PDGFB: variants seen among roughly 807,000 people sequenced by gnomAD.
The protein encoded by PDGFB is platelet derived growth factor subunit B.
PDGFB carries 6 observed loss-of-function variants against 29.0 expected under a neutral mutation model. That is an observed-to-expected ratio of 0.21 (90% CI 0.11 to 0.41). The LOEUF is 0.41. PDGFB is among the 10% of genes least tolerant of loss of function. PDGFB has a pLI of 1.00. For missense variants in PDGFB, 299 were observed against 341.8 expected (o/e 0.87, Z 0.99); for synonymous variants, 144 against 140.8 (o/e 1.02, Z -0.16).
chr22:39,238,823 G>A (rs949091888), intron 1 of PDGFB, among the ~76,000 whole-genome samples: 1 of 152,278 alleles, frequency 6.6e-6, no homozygotes, highest in African/African-American at 2.4e-5. Context: ...CCAGGGGACA[G>A]TGGCAATGTA....
rs776074327 is a variant in PDGFB, at chr22:39,233,472, G to A, written c.213C>T (p.Gly71=). Reference sequence around the variant, plus strand: ...TTCCACGAGCCAAGCTCTCCAGCTCGCCTCCAGAGTGGGAGCGGGTCATGT... The same window carrying A: ...TTCCACGAGCCAAGCTCTCCAGCTCACCTCCAGAGTGGGAGCGGGTCATGT... The part of the protein sequence containing the change: ...DLNMTRSHSG[G]ELESLARGRR... The change falls in exon 3 of 7, where the codon GGC becomes GGT. Residue 71 remains glycine, a synonymous_variant. Coordinates refer to ENST00000331163, the MANE Select transcript of PDGFB (RefSeq NM_002608.4). The A allele has an allele frequency of 2.4e-5, 38 of 1,593,066 alleles. No individual in the cohort carries two copies. The highest frequency in any genetic ancestry group is 1.7e-4 in the Middle Eastern group (1 of 6,018).
At chr22:39,241,121 G>A (rs1382541807) in intron 1 of PDGFB, 2 of 583,260 alleles carry the variant, frequency 3.4e-6, no homozygotes, top group Non-Finnish European at 6.1e-6. Flanking sequence ...CTCTTTCCCG[G>A]AAGAAGTGTG....
intron 2 of PDGFB, among the ~76,000 whole-genome samples, chr22:39,235,186 G>T (rs2146445655): frequency 6.6e-6 from 1 of 152,324 alleles, no homozygotes; most frequent in East Asian, 1.9e-4. Flanking sequence ...ACCTGGGGGT[G>T]CAGGGGGGCT....
intron 1 of PDGFB, among the ~76,000 whole-genome samples, chr22:39,238,177 C>A: frequency 6.6e-6 from 1 of 152,078 alleles, no homozygotes; most frequent in Non-Finnish European, 1.5e-5. Context: ...GTGAAAGAGC[C>A]CAGGATAGGG....
rs1932653659 is a variant in PDGFB, at chr22:39,244,734, CTGCGAG to C, written c.-777_-772del. ...CTGGGCGTCCTCTGCGGGCTGCGGGCTGCGAGCTGCGAGCTGCGAGCTGCGGCTGCT... is the reference window on the plus strand; with the variant it reads ...CTGGGCGTCCTCTGCGGGCTGCGGGCCTGCGAGCTGCGAGCTGCGGCTGCT... On this transcript the variant is annotated 5_prime_UTR_variant, in exon 1 of 7. Transcript: ENST00000331163. The surrounding 1 kb of genome is among the most constrained non-coding windows in gnomAD (Gnocchi z 4.5). 8.2e-5 allele frequency: 12 copies of C among 146,870 alleles called. No individual in the cohort carries two copies. Among genetic ancestry groups the C allele is most frequent in the African/African-American group, 5.1e-4 (11 of 21,742 alleles). 9.1% of individuals were successfully genotyped at this position (146,870 alleles called of 1,614,324 possible). A position where few individuals can be genotyped will look rare whatever the true frequency, so the allele number is the denominator to read the frequency against.
chr22:39,230,123 G>T lies in PDGFB; in HGVS notation c.562C>A (p.Pro188Thr). ...CKCETVAAAR[P>T]VTRSPGGSQE... ...GAACCCCCCGGGCTTCGGGTCACAG[G>T]CCGTGCAGCTGCCACTGTCTCACAC... Residue 188 changes from proline (P) to threonine (T), a missense_variant, in exon 5 of 7, where the codon CCT becomes ACT. By Grantham distance (38) the Pro-to-Thr change is conservative (BLOSUM62 -1). Coordinates refer to ENST00000331163, the MANE Select transcript of PDGFB (RefSeq NM_002608.4). The T allele has an allele frequency of 6.2e-7, 1 of 1,613,896 alleles. No homozygotes were observed. Among genetic ancestry groups the T allele is most frequent in the Non-Finnish European group, 8.5e-7 (1 of 1,180,032 alleles).
chr22:39,243,258 C>CTCTCCGTCTCTCTCTCCG lies in PDGFB; in HGVS notation c.63+642_63+643insCGGAGAGAGAGACGGAGA, dbSNP rs781597381. Among the ~76,000 whole-genome samples the CTCTCCGTCTCTCTCTCCG allele has an allele frequency of 3.1e-5, 1 of 32,686 alleles. No individual in the cohort carries two copies. Among genetic ancestry groups the CTCTCCGTCTCTCTCTCCG allele is most frequent in the Admixed American group, 6.4e-4 (1 of 1,560 alleles). The allele number at this position is 32,686 out of a possible 152,430, so 21.4% of individuals were successfully genotyped here. On this transcript the variant is annotated intron_variant, in intron 1 of 6. Coordinates refer to ENST00000331163, the MANE Select transcript of PDGFB (RefSeq NM_002608.4). This position sits in a 1 kb window ranked among gnomAD's most constrained non-coding sequence, Gnocchi z 6.4. ...TCTCTCCGTCTCTCTCTCCGTCTCT[C>CTCTCCGTCTCTCTCTCCG]TCTCTCTCTCTCTCTTTCTCTCTCT...
In PDGFB at chr22:39,242,704, C is replaced by G. The variant is rs879914248; in HGVS notation, c.63+1197G>C. ...CAGCCCAAGGCCGGGCCGCGGCCTCCGAGCCCTCCGCCTTAACCCCTTCGC... is the reference window on the plus strand; with the variant it reads ...CAGCCCAAGGCCGGGCCGCGGCCTCGGAGCCCTCCGCCTTAACCCCTTCGC... On this transcript the variant is annotated intron_variant, in intron 1 of 6. Coordinates refer to ENST00000331163, the MANE Select transcript of PDGFB (RefSeq NM_002608.4). This position sits in a 1 kb window ranked among gnomAD's most constrained non-coding sequence, Gnocchi z 5.7. Among the ~76,000 whole-genome samples, 9 of 152,030 alleles carry G rather than the reference C, an allele frequency of 5.9e-5. No individual in the cohort carries two copies. Among genetic ancestry groups the G allele is most frequent in the Non-Finnish European group, 8.8e-5 (6 of 67,962 alleles).
At position 39,225,766 on chromosome 22, in the gene PDGFB, T is replaced by C; in HGVS notation, c.683A>G (p.His228Arg). 2 of 1,614,186 alleles carry C rather than the reference T, an allele frequency of 1.2e-6. No homozygotes were observed. Among genetic ancestry groups the C allele is most frequent in the Non-Finnish European group, 1.7e-6 (2 of 1,180,018 alleles). ...CTTCAGTGCCGTCTTGTCATGCGTGTGCTTGAATTTCCGGTGCTTGCCCTT... is the reference window on the plus strand; with the variant it reads ...CTTCAGTGCCGTCTTGTCATGCGTGCGCTTGAATTTCCGGTGCTTGCCCTT... ...PPKGKHRKFK[H>R]THDKTALKET... is the part of the protein sequence containing the mutation. Residue 228 changes from histidine (H) to arginine (R), a missense_variant, in exon 6 of 7, where the codon CAC becomes CGC. Transcript: ENST00000331163.
At chr22:39,230,520 A>G (rs991968923) in intron 4 of PDGFB, among the ~76,000 whole-genome samples, 8 of 152,234 alleles carry the variant, frequency 5.3e-5, no homozygotes, top group Non-Finnish European at 8.8e-5. Flanking sequence ...GGCCTGCGGT[A>G]TCCTCATTCC....
chr22:39,235,929 T>G (rs907083983), intron 1 of PDGFB, 55 bp from the exon 2 acceptor site: 1 of 1,189,154 alleles, frequency 8.4e-7, no homozygotes, highest in African/African-American at 1.5e-5. Context: ...CTTTCCAGCA[T>G]GGCTGTCTCC....
At position 39,243,889 on chromosome 22, in the gene PDGFB, G is replaced by T. The variant is rs367621587; in HGVS notation, c.63+12C>A. ...GAATGAAGAACCAGCCCCAGCCGCC[G>T]TGGCAACTCACCTCGGCGCTGACCA... On this transcript the variant is annotated intron_variant, in intron 1 of 6. Transcript: ENST00000331163. This position sits in a 1 kb window ranked among gnomAD's most constrained non-coding sequence, Gnocchi z 6.4. 3.1e-6 allele frequency: 5 copies of T among 1,598,112 alleles called. No individual in the cohort carries two copies. In the Admixed American group the frequency reaches 5.1e-5, roughly 16 times the overall value.
intron 1 of PDGFB, among the ~76,000 whole-genome samples, chr22:39,236,844 C>T (rs907806849): frequency 2.6e-5 from 4 of 152,180 alleles, no homozygotes; most frequent in African/African-American, 4.8e-5. Flanking sequence ...AGGCTGGAAC[C>T]GGACTTCCAC....
intron 2 of PDGFB, among the ~76,000 whole-genome samples, chr22:39,234,634 TC>T (rs1932396606): frequency 6.6e-6 from 1 of 152,244 alleles, no homozygotes; most frequent in African/African-American, 2.4e-5. Flanking sequence ...AGCCTATCTG[TC>T]CCTCTGGCTC....
chr22:39,241,817 G>C (rs8141658), intron 1 of PDGFB, among the ~76,000 whole-genome samples: 2,926 of 152,280 alleles, frequency 0.019, 92 homozygotes, highest in African/African-American at 0.066. Flanking sequence ...GCCCCTCAGA[G>C]TCACATCACC....
chr22:39,236,386 T>G (rs1932442793), intron 1 of PDGFB, among the ~76,000 whole-genome samples: 1 of 152,080 alleles, frequency 6.6e-6, no homozygotes, highest in Non-Finnish European at 1.5e-5. Flanking sequence ...GTACAAGAGG[T>G]GCTTAATAAA....
At chr22:39,234,937 G>C (rs1447096451) in intron 2 of PDGFB, among the ~76,000 whole-genome samples, 1 of 152,202 alleles carries the variant, frequency 6.6e-6, no homozygotes, top group Non-Finnish European at 1.5e-5. Flanking sequence ...GGTGGGGGTT[G>C]TGGGAGACAT....
In PDGFB at chr22:39,244,054, G is replaced by T; in HGVS notation, c.-91C>A. 1.6e-6 allele frequency: 1 copy of T among 608,036 alleles called. No homozygotes were observed. Among genetic ancestry groups the T allele is most frequent in the South Asian group, 2.5e-5 (1 of 40,522 alleles). 37.7% of individuals were successfully genotyped at this position (608,036 alleles called of 1,614,324 possible). A position where few individuals can be genotyped will look rare whatever the true frequency, so the allele number is the denominator to read the frequency against. Reference sequence around the variant, plus strand: ...AGGGTGGGGGGCTGGGGAGGGGGGTGGGCTCGGCTCGGGTCCGCGGCGATC... The same window carrying T: ...AGGGTGGGGGGCTGGGGAGGGGGGTTGGCTCGGCTCGGGTCCGCGGCGATC... On this transcript the variant is annotated 5_prime_UTR_variant, in exon 1 of 7. Coordinates refer to ENST00000331163, the MANE Select transcript of PDGFB (RefSeq NM_002608.4). The surrounding 1 kb of genome is among the most constrained non-coding windows in gnomAD (Gnocchi z 4.5).
In PDGFB at chr22:39,244,552, G is replaced by A; in HGVS notation, c.-589C>T. The A allele has an allele frequency of 6.2e-6, 1 of 161,642 alleles. No individual in the cohort carries two copies. The highest frequency in any genetic ancestry group is 1.4e-5 in the Non-Finnish European group (1 of 73,746). The allele number at this position is 161,642 out of a possible 1,614,324, so 10.0% of individuals were successfully genotyped here. ...AGGTGCAAACTCCCGCCCGGGCCGG[G>A]TAGGGGGGCGGGAGCGTGTGCGCCC... On this transcript the variant is annotated 5_prime_UTR_variant, in exon 1 of 7. Transcript: ENST00000331163. The surrounding 1 kb of genome is among the most constrained non-coding windows in gnomAD (Gnocchi z 4.5).
Sources: gnomAD v4.1 joint callset for allele counts (sites outside exome capture counted in the v4.1 genomes callset) on GRCh38, gnomAD v4.1.1 for gene constraint, Gnocchi (gnomAD v3.1) non-coding constraint, MANE v1.5 for transcripts, NCBI Gene and HGNC (gene_info 2026-07-23, HGNC 2026-07-21) for gene names.